Variants in PLPPR1 observed in about 807,000 individuals in gnomAD.
PLPPR1 encodes phospholipid phosphatase related 1.
In PLPPR1, 10 loss-of-function variants were observed where a neutral mutation model predicts 33.1. That is an observed-to-expected ratio of 0.30 (90% CI 0.19 to 0.51). The LOEUF is 0.51. Ranked by LOEUF, PLPPR1 falls within the 20% of genes least tolerant of loss-of-function variation. The pLI is 0.97. For synonymous variants in PLPPR1, 151 were observed against 151.0 expected (o/e 1.00, Z 0.00); for missense variants, 304 against 408.1 (o/e 0.74, Z 2.20).
intron 2 of PLPPR1, 143 bp downstream of exon 2, chr9:101,185,700 CTA>C (rs997615511): frequency 3.5e-6 from 2 of 572,954 alleles, no homozygotes; most frequent in Admixed American, 7.0e-5. Flanking sequence ...GATTAATAAA[CTA>C]TGCAAAGTGT....
At chr9:101,032,854 C>CT (rs1180914433) in intron 1 of PLPPR1, among the ~76,000 whole-genome samples, 2 of 152,226 alleles carry the variant, frequency 1.3e-5, no homozygotes, top group East Asian at 1.9e-4. Flanking sequence ...CATCATGACT[C>CT]TTTTTTATGT....
intron 1 of PLPPR1, among the ~76,000 whole-genome samples, chr9:101,110,688 A>AT (rs1050341115): frequency 2.0e-5 from 3 of 152,116 alleles, no homozygotes; most frequent in African/African-American, 7.2e-5. Context: ...GCATGCTTCA[A>AT]TTTTTGTAAT....
chr9:101,244,946 T>G (rs953769543), intron 2 of PLPPR1, among the ~76,000 whole-genome samples: 3 of 151,988 alleles, frequency 2.0e-5, no homozygotes, highest in Non-Finnish European at 4.4e-5. Flanking sequence ...ATGGCCAACC[T>G]TATTAGTCAT....
At chr9:101,307,983 C>T (rs749451602) in intron 4 of PLPPR1, among the ~76,000 whole-genome samples, 1 of 152,174 alleles carries the variant, frequency 6.6e-6, no homozygotes, top group Non-Finnish European at 1.5e-5. Context: ...TGTAAGGAAA[C>T]CTCTGCATGT....
chr9:101,185,747 T>C (rs1299913790), intron 2 of PLPPR1, among the ~76,000 whole-genome samples, 190 bp downstream of exon 2: 2 of 151,884 alleles, frequency 1.3e-5, no homozygotes, highest in Non-Finnish European at 2.9e-5. Flanking sequence ...AAGAATTTTT[T>C]AAACTTCACC....
At chr9:101,047,490 A>G (rs1469181387) in intron 1 of PLPPR1, among the ~76,000 whole-genome samples, 2 of 152,218 alleles carry the variant, frequency 1.3e-5, no homozygotes, top group Non-Finnish European at 2.9e-5. Flanking sequence ...TTTGTCTTCT[A>G]TACCTACTCT....
At chr9:101,190,457 A>T (rs1826278074) in intron 2 of PLPPR1, among the ~76,000 whole-genome samples, 2 of 152,126 alleles carry the variant, frequency 1.3e-5, no homozygotes, top group Non-Finnish European at 2.9e-5. Context: ...AATGTGTGTG[A>T]CAGATCCAGG....
chr9:101,039,032 T>C (rs1435640479), intron 1 of PLPPR1, among the ~76,000 whole-genome samples: 1 of 152,178 alleles, frequency 6.6e-6, no homozygotes, highest in Admixed American at 6.5e-5. Flanking sequence ...AAGGAATGAA[T>C]TCCAAGATAA....
chr9:101,085,262 G>T (rs1326801826), intron 1 of PLPPR1, among the ~76,000 whole-genome samples: 1 of 152,098 alleles, frequency 6.6e-6, no homozygotes, highest in African/African-American at 2.4e-5. Flanking sequence ...TACATTTCCT[G>T]CAATTTGGTT....
intron 1 of PLPPR1, among the ~76,000 whole-genome samples, chr9:101,127,323 C>T (rs1283662351): frequency 2.0e-5 from 3 of 152,138 alleles, no homozygotes; most frequent in East Asian, 1.9e-4. Flanking sequence ...CAACGAAGTC[C>T]GGCGGAGTCT....
At chr9:101,260,845 G>A (rs570599116) in intron 2 of PLPPR1, among the ~76,000 whole-genome samples, 2 of 152,084 alleles carry the variant, frequency 1.3e-5, no homozygotes, top group Non-Finnish European at 2.9e-5. Context: ...ATAGATCCTG[G>A]GTGGGTACCA....
At chr9:101,261,278 T>G (rs1168966135) in intron 2 of PLPPR1, among the ~76,000 whole-genome samples, 1 of 152,200 alleles carries the variant, frequency 6.6e-6, no homozygotes, top group Admixed American at 6.5e-5. Flanking sequence ...TTTTATAATA[T>G]CTGTCTTCCC....
At chr9:101,148,062 TG>T (rs1373023737) in intron 1 of PLPPR1, among the ~76,000 whole-genome samples, 1 of 152,160 alleles carries the variant, frequency 6.6e-6, no homozygotes, top group Non-Finnish European at 1.5e-5. Context: ...CCTGCCTCTC[TG>T]CTCCAAGTGG....
intron 1 of PLPPR1, among the ~76,000 whole-genome samples, chr9:101,162,437 A>G (rs927120382): frequency 6.6e-6 from 1 of 152,224 alleles, no homozygotes; most frequent in Non-Finnish European, 1.5e-5. Context: ...TTCACAAAGC[A>G]GTGACAAAAG....
At chr9:101,218,897 A>G (rs946385639) in intron 2 of PLPPR1, among the ~76,000 whole-genome samples, 6 of 152,376 alleles carry the variant, frequency 3.9e-5, no homozygotes, top group South Asian at 4.1e-4. Flanking sequence ...GGAAAGTCAC[A>G]GAGACAATTA....
chr9:101,041,739 T>C (rs1235475514), intron 1 of PLPPR1, among the ~76,000 whole-genome samples: 1 of 152,128 alleles, frequency 6.6e-6, no homozygotes, highest in Non-Finnish European at 1.5e-5. Context: ...GGAAGCTGTG[T>C]AAGGAGTGGC....
At chr9:101,244,085 G>C (rs1331139832) in intron 2 of PLPPR1, among the ~76,000 whole-genome samples, 1 of 151,894 alleles carries the variant, frequency 6.6e-6, no homozygotes, top group East Asian at 1.9e-4. Flanking sequence ...GGAGTGAACA[G>C]GAGTGTCAAA....
At chr9:101,140,083 G>A (rs1269841049) in intron 1 of PLPPR1, among the ~76,000 whole-genome samples, 1 of 152,084 alleles carries the variant, frequency 6.6e-6, no homozygotes, top group Non-Finnish European at 1.5e-5. Flanking sequence ...CAAATGAGAG[G>A]GATAGTATGA....
intron 2 of PLPPR1, among the ~76,000 whole-genome samples, chr9:101,188,987 T>C (rs919353018): frequency 1.2e-4 from 19 of 152,154 alleles, no homozygotes; most frequent in Non-Finnish European, 2.4e-4. Context: ...TCATGAAGTT[T>C]ATCCTTTAGC....
Sources: gnomAD v4.1 joint callset for allele counts (sites outside exome capture counted in the v4.1 genomes callset) on GRCh38, gnomAD v4.1.1 for gene constraint, MANE v1.5 for transcripts, NCBI Gene and HGNC (gene_info 2026-07-23, HGNC 2026-07-21) for gene names.